Variants in SLC25A13 observed in about 807,000 individuals in gnomAD.
SLC25A13 encodes solute carrier family 25 member 13, also known as electrogenic aspartate/glutamate antiporter SLC25A13, mitochondrial.
SLC25A13 carries 70 observed loss-of-function variants against 85.5 expected under a neutral mutation model. That is an observed-to-expected ratio of 0.82 (90% CI 0.68 to 1.00). The LOEUF (loss-of-function observed/expected upper bound fraction) is 1.00. SLC25A13 is among the 50% of genes least tolerant of loss of function. The probability of loss-of-function intolerance (pLI) is 0.00; values close to 1 mark genes in which losing one functional copy is unlikely to be tolerated. For synonymous variants in SLC25A13, 259 were observed against 288.7 expected (o/e 0.90, Z 1.04); for missense variants, 765 against 819.8 (o/e 0.93, Z 0.82).
chr7:96,264,175 C>T (rs1797959692), intron 3 of SLC25A13, among the ~76,000 whole-genome samples: 1 of 152,164 alleles, frequency 6.6e-6, no homozygotes, highest in Non-Finnish European at 1.5e-5. Context: ...ACCCTTACTA[C>T]CTGGGCCTGA....
intron 3 of SLC25A13, among the ~76,000 whole-genome samples, chr7:96,274,892 T>C (rs1203009035): frequency 6.6e-6 from 1 of 152,230 alleles, no homozygotes; most frequent in Non-Finnish European, 1.5e-5. Context: ...ACCAGTACCA[T>C]GCTGTTTTGG....
intron 9 of SLC25A13, 82 bp downstream of exon 9, chr7:96,189,212 G>T (rs536979432): frequency 8.7e-5 from 107 of 1,227,248 alleles, no homozygotes; most frequent in Non-Finnish European, 1.2e-4. Flanking sequence ...TACCAATGCC[G>T]CAAAGGCAAC....
At chr7:96,166,408 ACTTT>A (rs1225632465) in intron 13 of SLC25A13, among the ~76,000 whole-genome samples, 4 of 152,178 alleles carry the variant, frequency 2.6e-5, no homozygotes, top group African/African-American at 2.4e-5. Context: ...TACTTTCATG[ACTTT>A]CTTTCTTAGT....
At chr7:96,285,751 T>C (rs148026007) in intron 2 of SLC25A13, among the ~76,000 whole-genome samples, 211 of 152,312 alleles carry the variant, frequency 1.4e-3, no homozygotes, top group African/African-American at 4.8e-3. Context: ...TAAGATGTGG[T>C]CATTGTTATA....
At chr7:96,229,802 A>G (rs1796466918) in intron 4 of SLC25A13, among the ~76,000 whole-genome samples, 1 of 152,134 alleles carries the variant, frequency 6.6e-6, no homozygotes, top group East Asian at 1.9e-4. Context: ...CTCCGAACAC[A>G]TCCAAACATA....
intron 3 of SLC25A13, among the ~76,000 whole-genome samples, chr7:96,241,034 A>G (rs1427163410): frequency 4.9e-5 from 4 of 81,794 alleles, no homozygotes; most frequent in East Asian, 3.0e-4. Flanking sequence ...GAAAAGAAAG[A>G]AAGGAAAGAA....
At chr7:96,238,558 G>GTTTCCT (rs1340714449) in intron 3 of SLC25A13, among the ~76,000 whole-genome samples, 7 of 152,140 alleles carry the variant, frequency 4.6e-5, no homozygotes, top group South Asian at 2.1e-4. Flanking sequence ...ATTTAGAGAT[G>GTTTCCT]TTTCCTTTTC....
chr7:96,229,621 T>G (rs1357509214), intron 4 of SLC25A13, among the ~76,000 whole-genome samples: 1 of 152,118 alleles, frequency 6.6e-6, no homozygotes, highest in Non-Finnish European at 1.5e-5. Flanking sequence ...GTCTGCAGCT[T>G]TACTCCTGAG....
intron 15 of SLC25A13, among the ~76,000 whole-genome samples, chr7:96,124,426 C>T (rs1033315043): frequency 3.3e-5 from 5 of 152,110 alleles, no homozygotes; most frequent in Non-Finnish European, 7.4e-5. Flanking sequence ...GCATTTTCTT[C>T]ATACTTTGAA....
At chr7:96,126,484 G>A (rs1791731700) in intron 15 of SLC25A13, among the ~76,000 whole-genome samples, 1 of 152,108 alleles carries the variant, frequency 6.6e-6, no homozygotes, top group South Asian at 2.1e-4. Flanking sequence ...AGCTCCATAT[G>A]AAAACCAGGA....
chr7:96,184,370 T>G lies in SLC25A13; in HGVS notation c.1084A>C (p.Thr362Pro). Reference sequence around the variant, plus strand: ...ATGAGTTCTCCCACAAAAGAGCCAGTTGATCGTTGGTTCTGCATTCGAGTT... The same window carrying G: ...ATGAGTTCTCCCACAAAAGAGCCAGGTGATCGTTGGTTCTGCATTCGAGTT... Reference protein sequence around the residue: ...VKTRMQNQRSTGSFVGELMYK... With the variant: ...VKTRMQNQRSPGSFVGELMYK... Residue 362 changes from threonine (T) to proline (P), a missense_variant, in exon 11 of 18, where the codon ACT becomes CCT. Physicochemically the swap from Thr to Pro is conservative, Grantham distance 38. Transcript: ENST00000265631. 3 of 1,614,194 alleles carry G rather than the reference T, an allele frequency of 1.9e-6. No individual in the cohort carries two copies. Among genetic ancestry groups the G allele is most frequent in the African/African-American group, 1.3e-5 (1 of 75,066 alleles).
intron 2 of SLC25A13, among the ~76,000 whole-genome samples, chr7:96,292,416 G>C (rs564462200): frequency 4.7e-4 from 72 of 152,320 alleles, no homozygotes; most frequent in Non-Finnish European, 9.7e-4. Context: ...CATAGTGTTG[G>C]AAGTCCTGGC....
intron 14 of SLC25A13, among the ~76,000 whole-genome samples, chr7:96,133,288 G>A (rs539467821): frequency 6.6e-6 from 1 of 152,096 alleles, no homozygotes; most frequent in Non-Finnish European, 1.5e-5. Context: ...TCTGTATCTT[G>A]TCCACCCCCA....
At chr7:96,268,725 A>G (rs1798124975) in intron 3 of SLC25A13, among the ~76,000 whole-genome samples, 1 of 152,166 alleles carries the variant, frequency 6.6e-6, no homozygotes, top group Non-Finnish European at 1.5e-5. Flanking sequence ...CACTCTCAAG[A>G]TAAAGAACCC....
chr7:96,154,662 T>C (rs1793185084), intron 13 of SLC25A13, among the ~76,000 whole-genome samples: 2 of 152,148 alleles, frequency 1.3e-5, no homozygotes, highest in Non-Finnish European at 2.9e-5. Flanking sequence ...GTGGACTCCT[T>C]CTACTTGTAG....
intron 1 of SLC25A13, among the ~76,000 whole-genome samples, chr7:96,298,703 G>C (rs1239932634): frequency 6.6e-6 from 1 of 152,322 alleles, no homozygotes. Flanking sequence ...AAAACGCTGG[G>C]ATTACAGGCA....
chr7:96,246,107 C>T (rs768648654), intron 3 of SLC25A13, among the ~76,000 whole-genome samples: 3 of 152,206 alleles, frequency 2.0e-5, no homozygotes, highest in Non-Finnish European at 4.4e-5. Context: ...TGAATGCACC[C>T]AAGGACAGAA....
At chr7:96,283,819 TAAAAAAAAAAAAAA>T (rs1224658803) in intron 2 of SLC25A13, 1 of 80,916 alleles carries the variant, frequency 1.2e-5, no homozygotes, top group African/African-American at 5.0e-5. Context: ...AATAGGTGTT[TAAAAAAAAAAAAAA>T]AAAAAAAAAA....
chr7:96,308,313 T>A (rs965889099), intron 1 of SLC25A13, among the ~76,000 whole-genome samples: 1 of 152,248 alleles, frequency 6.6e-6, no homozygotes, highest in Non-Finnish European at 1.5e-5. Context: ...TTACTCTTCA[T>A]ATTCAGAGCA....
Sources: gnomAD v4.1 joint callset for allele counts (sites outside exome capture counted in the v4.1 genomes callset) on GRCh38, gnomAD v4.1.1 for gene constraint, MANE v1.5 for transcripts, NCBI Gene and HGNC (gene_info 2026-07-23, HGNC 2026-07-21) for gene names.